Variants in KDM4C observed in about 807,000 individuals in gnomAD.
KDM4C encodes the protein lysine demethylase 4C.
Under a neutral mutation model 129.3 loss-of-function variants are expected in KDM4C, and 81 were observed. That is an observed-to-expected ratio of 0.63 (90% CI 0.52 to 0.75). The LOEUF (loss-of-function observed/expected upper bound fraction) is 0.75, where lower values mean the gene tolerates loss of function less well. KDM4C is among the 30% of genes least tolerant of loss of function. The pLI is 0.00. For missense variants in KDM4C, 1,457 were observed against 1,304.0 expected (o/e 1.12, Z -1.81); for synonymous variants, 573 against 456.1 (o/e 1.26, Z -3.26).
chr9:7,009,986 CTT>C (rs976045486), intron 12 of KDM4C, among the ~76,000 whole-genome samples: 37 of 152,200 alleles, frequency 2.4e-4, no homozygotes, highest in Admixed American at 5.2e-4. Context: ...AGATACAAGA[CTT>C]TTATCATTTA....
intron 8 of KDM4C, among the ~76,000 whole-genome samples, chr9:6,949,212 G>C (rs1408176772): frequency 6.6e-6 from 1 of 150,806 alleles, no homozygotes; most frequent in Non-Finnish European, 1.5e-5. Flanking sequence ...TCTCAGACGG[G>C]GCGGCCGGGC....
intron 4 of KDM4C, among the ~76,000 whole-genome samples, chr9:6,842,399 A>G (rs1837122233): frequency 6.8e-6 from 1 of 147,818 alleles, no homozygotes; most frequent in African/African-American, 2.5e-5. Flanking sequence ...GCTCACTGCA[A>G]CCTCGGCTCA....
rs1844833353 is a variant in KDM4C at position 7,170,320 on chromosome 9, T to C, written c.2994+430T>C. The C allele has an allele frequency of 1.9e-6, 2 of 1,026,816 alleles. 1 individual carries two copies. The highest frequency in any genetic ancestry group is 7.3e-5 in the South Asian group (2 of 27,264). 63.6% of individuals were successfully genotyped at this position (1,026,816 alleles called of 1,614,324 possible). A position where few individuals can be genotyped will look rare whatever the true frequency, so the allele number is the denominator to read the frequency against. On this transcript the variant is annotated intron_variant, in intron 21 of 21. Coordinates refer to ENST00000381309, the MANE Select transcript of KDM4C (RefSeq NM_015061.6). ...TATTCTTTTATAGGTTTTTCATGGA[T>C]TGACTACCTTCTGTCTCAGAAAGTT... is the stretch of plus-strand genomic sequence containing the variant.
At chr9:6,752,092 G>A (rs945905880) in intron 1 of KDM4C, among the ~76,000 whole-genome samples, 11 of 150,492 alleles carry the variant, frequency 7.3e-5, no homozygotes, top group Non-Finnish European at 1.2e-4. Flanking sequence ...CCAGCACTTT[G>A]GGAGGCCGAG....
Position 6,758,134 on chromosome 9 carries a change from C to T in KDM4C, c.-87C>T. 1.0e-6 allele frequency: 1 copy of T among 985,674 alleles called. No individual in the cohort carries two copies. Among genetic ancestry groups the T allele is most frequent in the African/African-American group, 1.7e-5 (1 of 57,378 alleles). The allele number at this position is 985,674 out of a possible 1,614,324, so 61.1% of individuals were successfully genotyped here. A position where few individuals can be genotyped will look rare whatever the true frequency, so the allele number is the denominator to read the frequency against. On this transcript the variant is annotated 5_prime_UTR_variant, in exon 1 of 22. Coordinates refer to ENST00000381309, the MANE Select transcript of KDM4C (RefSeq NM_015061.6). This position sits in a 1 kb window ranked among gnomAD's most constrained non-coding sequence, Gnocchi z 4.6. The stretch of plus-strand genomic sequence containing the variant: ...AGTCTCCCAAATTTCCCAAATCTCC[C>T]TGGGCCGGAGGCCACTGTCTTCTCT...
chr9:6,940,454 G>C (rs940580381), intron 8 of KDM4C, among the ~76,000 whole-genome samples: 1 of 152,060 alleles, frequency 6.6e-6, no homozygotes, highest in Non-Finnish European at 1.5e-5. Flanking sequence ...AAATCTTTGC[G>C]GGAATTGTGT....
intron 17 of KDM4C, among the ~76,000 whole-genome samples, chr9:7,092,630 C>T (rs532637617): frequency 2.0e-5 from 3 of 152,274 alleles, no homozygotes; most frequent in African/African-American, 7.2e-5. Flanking sequence ...CTGGGCACTT[C>T]TTCTGTGGGC....
chr9:7,057,474 C>T lies in KDM4C; in HGVS notation c.2424+8274C>T, dbSNP rs554224177. 2.8e-3 allele frequency among the ~76,000 whole-genome samples: 422 copies of T among 152,336 alleles called. 4 individuals are homozygous for T. The highest frequency in any genetic ancestry group is 8.8e-3 in the African/African-American group (367 of 41,580). Reference sequence around the variant, plus strand: ...GTTAAGACTGCCTGAGCCCTGTATCCTCCACTTGGGCAACCTTGGCTATGC... The same window carrying T: ...GTTAAGACTGCCTGAGCCCTGTATCTTCCACTTGGGCAACCTTGGCTATGC... On this transcript the variant is annotated intron_variant, in intron 17 of 21. Coordinates refer to ENST00000381309, the MANE Select transcript of KDM4C (RefSeq NM_015061.6).
chr9:6,757,887 C>G, upstream of KDM4C: 1 of 985,466 alleles, frequency 1.0e-6, no homozygotes, highest in Non-Finnish European at 1.2e-6. Flanking sequence ...GCGTGCCGGG[C>G]ACCTTTAAGC....
chr9:7,044,630 A>T (rs1256369730), intron 15 of KDM4C, among the ~76,000 whole-genome samples: 2 of 151,958 alleles, frequency 1.3e-5, no homozygotes, highest in Non-Finnish European at 2.9e-5. Context: ...GATGGAAAAC[A>T]GTCGGGGAGT....
intron 17 of KDM4C, among the ~76,000 whole-genome samples, chr9:7,093,037 GAGT>G (rs1435178460): frequency 6.6e-6 from 1 of 152,140 alleles, no homozygotes; most frequent in East Asian, 1.9e-4. Context: ...TTTGGCTAAA[GAGT>G]TAATTGCTGG....
intron 17 of KDM4C, among the ~76,000 whole-genome samples, chr9:7,079,762 G>A (rs1834322503): frequency 1.3e-5 from 2 of 152,186 alleles, no homozygotes; most frequent in Admixed American, 6.5e-5. Flanking sequence ...TGGGATCCGT[G>A]TATTCCAGGG....
chr9:7,169,978 T>G (rs768474783), intron 21 of KDM4C, 88 bp downstream of exon 21: 3 of 1,590,256 alleles, frequency 1.9e-6, no homozygotes, highest in Admixed American at 1.7e-5. Flanking sequence ...GGAAACATAC[T>G]TGGGCTTTTG....
intron 17 of KDM4C, among the ~76,000 whole-genome samples, chr9:7,098,401 G>A (rs1587627104): frequency 6.6e-6 from 1 of 152,158 alleles, no homozygotes; most frequent in South Asian, 2.1e-4. Context: ...TTTATGATAA[G>A]GATTTAATTC....
At chr9:7,034,356 T>C (rs945210727) in intron 15 of KDM4C, among the ~76,000 whole-genome samples, 8 of 152,202 alleles carry the variant, frequency 5.3e-5, no homozygotes, top group Admixed American at 5.2e-4. Context: ...TCCCAATTCC[T>C]CCTTTCTGTC....
chr9:7,053,546 T>G (rs569203547), intron 17 of KDM4C, among the ~76,000 whole-genome samples: 2 of 152,366 alleles, frequency 1.3e-5, no homozygotes, highest in East Asian at 3.9e-4. Flanking sequence ...GTGGCCTTTG[T>G]TCATCATACA....
intron 8 of KDM4C, among the ~76,000 whole-genome samples, chr9:6,970,962 A>T (rs13298876): frequency 1.3e-5 from 2 of 152,132 alleles, no homozygotes; most frequent in Admixed American, 6.5e-5. Flanking sequence ...TTCAGACCCC[A>T]TGAGGAAAGG....
chr9:7,026,536 G>C (rs1825849282), intron 15 of KDM4C, among the ~76,000 whole-genome samples: 1 of 151,784 alleles, frequency 6.6e-6, no homozygotes, highest in African/African-American at 2.4e-5. Flanking sequence ...TGACCTTTGG[G>C]AGTTTGATTA....
chr9:6,822,529 C>T (rs1416181207), intron 4 of KDM4C, among the ~76,000 whole-genome samples: 1 of 152,160 alleles, frequency 6.6e-6, no homozygotes, highest in African/African-American at 2.4e-5. Context: ...ATCTTTGGTC[C>T]TGAGTAAGTC....
Sources: gnomAD v4.1 joint callset for allele counts (sites outside exome capture counted in the v4.1 genomes callset) on GRCh38, gnomAD v4.1.1 for gene constraint, Gnocchi (gnomAD v3.1) non-coding constraint, MANE v1.5 for transcripts, NCBI Gene and HGNC (gene_info 2026-07-23, HGNC 2026-07-21) for gene names.